GRK5: variants seen among roughly 807,000 people sequenced by gnomAD.
GRK5 encodes g protein-coupled receptor kinase GRK5.
A neutral mutation model predicts 78.4 loss-of-function variants in GRK5; 40 were observed. The observed-to-expected ratio is 0.51, with a 90% CI of 0.40 to 0.66. The LOEUF is 0.66. Among genes scored for constraint, GRK5 ranks in the 30% least tolerant of loss-of-function variants. The probability of loss-of-function intolerance (pLI) is 0.00; values close to 1 mark genes in which losing one functional copy is unlikely to be tolerated. For missense variants in GRK5, 598 were observed against 759.9 expected, an observed-to-expected ratio of 0.79 and a Z score of 2.50; for synonymous variants, 289 against 296.8, an observed-to-expected ratio of 0.97 and a Z score of 0.27.
chr10:119,340,150 CAG>C (rs1386458833), intron 2 of GRK5, among the ~76,000 whole-genome samples: 2 of 142,896 alleles, frequency 1.4e-5, no homozygotes, highest in African/African-American at 2.8e-5. Flanking sequence ...TTTTTTGAGA[CAG>C]AGTCTCACTC....
rs954894709 is a variant in GRK5 at position 119,397,237 on chromosome 10, G to T, written c.339+465G>T. ...AGAGAATTCTGAAACATATTCTGGA[G>T]TATTCTGAAGGGTCAGGGGCCACCC... On this transcript the variant is annotated intron_variant, in intron 4 of 15. Coordinates refer to ENST00000392870, the MANE Select transcript of GRK5 (RefSeq NM_005308.3). 1.4e-4 allele frequency among the ~76,000 whole-genome samples: 22 copies of T among 152,344 alleles called. No homozygotes were observed. The South Asian group carries it at 1.9e-3, about 13-fold the overall frequency.
Position 119,442,131 on chromosome 10 carries a change from C to G in GRK5, c.1057+43C>G, listed in dbSNP as rs370702674. 4.8e-4 allele frequency: 736 copies of G among 1,519,522 alleles called. 6 individuals are homozygous for G. Among genetic ancestry groups the G allele is most frequent in the South Asian group, 1.9e-3 (166 of 89,144 alleles). The allele number at this position is 1,519,522 out of a possible 1,614,324, so 94.1% of individuals were successfully genotyped here. A position where few individuals can be genotyped will look rare whatever the true frequency, so the allele number is the denominator to read the frequency against. On this transcript the variant is annotated intron_variant, in intron 11 of 15. Coordinates refer to ENST00000392870, the MANE Select transcript of GRK5 (RefSeq NM_005308.3). ...TGTGTCAATGCACCTTGAGACCCAC[C>G]ACCTGCTCACCGCCGGCCGAGCCCC... is the stretch of plus-strand genomic sequence containing the variant.
chr10:119,320,135 G>T (rs767532477), intron 1 of GRK5, among the ~76,000 whole-genome samples: 4 of 152,216 alleles, frequency 2.6e-5, no homozygotes, highest in Non-Finnish European at 5.9e-5. Flanking sequence ...GGGTCGGAGT[G>T]GGGGAACAAT....
chr10:119,315,945 T>C (rs1850480128), intron 1 of GRK5, among the ~76,000 whole-genome samples: 1 of 152,186 alleles, frequency 6.6e-6, no homozygotes, highest in Non-Finnish European at 1.5e-5. Flanking sequence ...ACAAATGTGG[T>C]CCCCTGCATT....
intron 1 of GRK5, among the ~76,000 whole-genome samples, chr10:119,242,364 A>G (rs977400770): frequency 2.0e-5 from 3 of 151,700 alleles, no homozygotes; most frequent in Non-Finnish European, 2.9e-5. Context: ...TAGGTTTTTC[A>G]TAGCTGAAAG....
At chr10:119,265,498 A>G (rs561566296) in intron 1 of GRK5, among the ~76,000 whole-genome samples, 69 of 152,300 alleles carry the variant, frequency 4.5e-4, no homozygotes, top group African/African-American at 1.5e-3. Context: ...GAAGAAGAAG[A>G]GAGACCAGAG....
chr10:119,448,293 C>T (rs759759395), intron 13 of GRK5, 33 bp downstream of exon 13: 5 of 1,569,984 alleles, frequency 3.2e-6, no homozygotes, highest in African/African-American at 2.8e-5. Context: ...CAGCAGCTCC[C>T]TTCACAGGGT....
chr10:119,378,817 G>A lies in GRK5; in HGVS notation c.149-1998G>A, dbSNP rs1292251053. Reference sequence around the variant, plus strand: ...CTGGCAAAAGCCCTGGGAGGACTCCGGGGCCCCCACGGATCACAGGCCCTG... The same window carrying A: ...CTGGCAAAAGCCCTGGGAGGACTCCAGGGCCCCCACGGATCACAGGCCCTG... On this transcript the variant is annotated intron_variant, in intron 2 of 15. Transcript: ENST00000392870. The surrounding 1 kb of genome is among the most constrained non-coding windows in gnomAD (Gnocchi z 4.5). 1.3e-5 allele frequency among the ~76,000 whole-genome samples: 2 copies of A among 152,244 alleles called. No homozygotes were observed. Among genetic ancestry groups the A allele is most frequent in the African/African-American group, 4.8e-5 (2 of 41,466 alleles).
At chr10:119,371,119 G>A (rs1400832849) in intron 2 of GRK5, among the ~76,000 whole-genome samples, 7 of 152,146 alleles carry the variant, frequency 4.6e-5, no homozygotes. Context: ...TCCTTGGCCC[G>A]AGCTCTAGGA....
At position 119,378,910 on chromosome 10, in the gene GRK5, C is replaced by G. The variant is rs1299962317; in HGVS notation, c.149-1905C>G. Among the ~76,000 whole-genome samples the G allele has an allele frequency of 6.6e-6, 1 of 152,232 alleles. No homozygotes were observed. The highest frequency in any genetic ancestry group is 2.4e-5 in the African/African-American group (1 of 41,456). On this transcript the variant is annotated intron_variant, in intron 2 of 15. Coordinates refer to ENST00000392870, the MANE Select transcript of GRK5 (RefSeq NM_005308.3). This position sits in a 1 kb window ranked among gnomAD's most constrained non-coding sequence, Gnocchi z 4.5. ...TCATTATGGCCAGAGAGAGAGGCCT[C>G]TGATTGGCTGTGACTAAGTGACGTG...
chr10:119,302,581 C>T lies in GRK5; in HGVS notation c.53-23935C>T, dbSNP rs11198868. Among the ~76,000 whole-genome samples the T allele has an allele frequency of 8.5e-5, 13 of 152,354 alleles. No homozygotes were observed. In the East Asian group the frequency reaches 2.1e-3, roughly 25 times the overall value. The stretch of plus-strand genomic sequence containing the variant: ...CGATTCCTCCCTCAGCCCCACATTT[C>T]TACCTGCTCCCCAGGGCACCTTGTT... On this transcript the variant is annotated intron_variant, in intron 1 of 15. Transcript: ENST00000392870.
chr10:119,256,265 C>G (rs1849284211), intron 1 of GRK5, among the ~76,000 whole-genome samples: 1 of 152,162 alleles, frequency 6.6e-6, no homozygotes, highest in Non-Finnish European at 1.5e-5. Context: ...ATTTGCCTTT[C>G]CCTCTGGGCG....
At chr10:119,380,778 C>T (rs1457650140) in intron 2 of GRK5, 37 bp from the exon 3 acceptor site, 2 of 1,362,092 alleles carry the variant, frequency 1.5e-6, no homozygotes, top group Admixed American at 1.7e-5. Flanking sequence ...CTGGCCTTCT[C>T]CTGGGTCTCA....
intron 2 of GRK5, chr10:119,334,820 A>C (rs1850846458): frequency 6.7e-6 from 1 of 149,388 alleles, no homozygotes; most frequent in South Asian, 2.3e-4. Context: ...CCCCAACAGG[A>C]CTGACATTTA....
intron 1 of GRK5, among the ~76,000 whole-genome samples, chr10:119,306,367 G>C (rs1564884632): frequency 6.6e-6 from 1 of 152,222 alleles, no homozygotes; most frequent in African/African-American, 2.4e-5. Context: ...GGATGAGCAA[G>C]CTTCCTGTGT....
chr10:119,294,448 C>T (rs1211973928), intron 1 of GRK5, among the ~76,000 whole-genome samples: 3 of 152,134 alleles, frequency 2.0e-5, no homozygotes, highest in African/African-American at 7.2e-5. Flanking sequence ...CAGGCACTGT[C>T]CTGACCCAAC....
Position 119,425,071 on chromosome 10 carries a change from G to C in GRK5, c.519G>C (p.Trp173Cys). The change falls in exon 6 of 16, where the codon TGG becomes TGC. Residue 173 changes from tryptophan to cysteine, a missense_variant. Coordinates refer to ENST00000392870, the MANE Select transcript of GRK5 (RefSeq NM_005308.3). ...TGTTTTTTGACCGCTTTCTCCAGTG[G>C]AAGTGGTTGGAAAGGTGAGTCCACC... ...DSMFFDRFLQ[W>C]KWLERQPVTK... The C allele has an allele frequency of 1.2e-6, 2 of 1,612,312 alleles. No individual in the cohort carries two copies. The highest frequency in any genetic ancestry group is 2.7e-5 in the African/African-American group (2 of 74,974).
At chr10:119,270,514 T>G (rs536648295) in intron 1 of GRK5, among the ~76,000 whole-genome samples, 2 of 152,364 alleles carry the variant, frequency 1.3e-5, no homozygotes, top group South Asian at 4.1e-4. Flanking sequence ...TACACCATTT[T>G]ATATCAGGGA....
intron 1 of GRK5, among the ~76,000 whole-genome samples, chr10:119,261,221 C>T (rs369665064): frequency 3.1e-4 from 43 of 138,716 alleles, no homozygotes; most frequent in South Asian, 1.5e-3. Context: ...ACTTATCAGA[C>T]GGGGCGGCCG....
Sources: gnomAD v4.1 joint callset for allele counts (sites outside exome capture counted in the v4.1 genomes callset) on GRCh38, gnomAD v4.1.1 for gene constraint, Gnocchi (gnomAD v3.1) non-coding constraint, MANE v1.5 for transcripts, NCBI Gene and HGNC (gene_info 2026-07-23, HGNC 2026-07-21) for gene names.